Variants in POU6F2 observed in about 807,000 individuals in gnomAD.
POU6F2 encodes POU domain, class 6, transcription factor 2.
A neutral mutation model predicts 71.3 loss-of-function variants in POU6F2; 31 were observed. The ratio of observed to expected loss-of-function variants is 0.43; its 90% confidence interval spans 0.33 to 0.59. The LOEUF is 0.59. POU6F2 is among the 20% of genes least tolerant of loss of function. The probability of loss-of-function intolerance (pLI) is 0.04; values close to 1 mark genes in which losing one functional copy is unlikely to be tolerated. For synonymous variants in POU6F2, 347 were observed against 355.7 expected (o/e 0.98, Z 0.27); for missense variants, 783 against 856.8 (o/e 0.91, Z 1.07).
At chr7:39,073,673 C>T (rs996597584) in intron 1 of POU6F2, among the ~76,000 whole-genome samples, 3 of 152,196 alleles carry the variant, frequency 2.0e-5, no homozygotes, top group Non-Finnish European at 4.4e-5. Context: ...AGGCAGAGAA[C>T]GAGAGGAAAA....
In POU6F2 at chr7:39,467,012, T is replaced by C. The variant is rs1789086430; in HGVS notation, c.*2326T>C. 6.6e-6 allele frequency: 1 copy of C among 152,180 alleles called. No individual in the cohort carries two copies. Among genetic ancestry groups the C allele is most frequent in the Non-Finnish European group, 1.5e-5 (1 of 68,034 alleles). The allele number at this position is 152,180 out of a possible 1,614,324, so 9.4% of individuals were successfully genotyped here. A position where few individuals can be genotyped will look rare whatever the true frequency, so the allele number is the denominator to read the frequency against. On this transcript the variant is annotated 3_prime_UTR_variant, in exon 10 of 10. Coordinates refer to ENST00000518318, the MANE Select transcript of POU6F2 (RefSeq NM_001370959.1). ...ATGATGGATGCTAAATATTTAAATA[T>C]ATGCCGGCAGCGGTTACATAAGGCC... is the stretch of plus-strand genomic sequence containing the variant.
At chr7:39,130,521 A>G (rs1188748771) in intron 2 of POU6F2, among the ~76,000 whole-genome samples, 3 of 152,098 alleles carry the variant, frequency 2.0e-5, no homozygotes, top group African/African-American at 7.2e-5. Flanking sequence ...TTGGACTTTT[A>G]TCTCCCTACA....
At chr7:39,407,577 AG>A (rs1034796274) in intron 6 of POU6F2, among the ~76,000 whole-genome samples, 13 of 151,808 alleles carry the variant, frequency 8.6e-5, no homozygotes, top group African/African-American at 2.7e-4. Context: ...TTGGTTCTCC[AG>A]TGTGACTGAT....
intron 2 of POU6F2, among the ~76,000 whole-genome samples, chr7:39,129,423 A>G (rs1219551825): frequency 6.6e-6 from 1 of 152,200 alleles, no homozygotes; most frequent in East Asian, 1.9e-4. Context: ...AACCTTAAGA[A>G]GTATAACTGA....
At chr7:39,314,517 A>G (rs985808718) in intron 4 of POU6F2, among the ~76,000 whole-genome samples, 1 of 152,182 alleles carries the variant, frequency 6.6e-6, no homozygotes, top group African/African-American at 2.4e-5. Flanking sequence ...GGTAAGGAAG[A>G]GCATGAAACA....
At chr7:39,149,717 C>T (rs906914151) in intron 2 of POU6F2, among the ~76,000 whole-genome samples, 54 of 152,094 alleles carry the variant, frequency 3.6e-4, no homozygotes, top group African/African-American at 1.3e-3. Context: ...GTTTCATTCT[C>T]TGTGTATTTG....
At chr7:39,149,963 G>C (rs1792715897) in intron 2 of POU6F2, among the ~76,000 whole-genome samples, 1 of 149,822 alleles carries the variant, frequency 6.7e-6, no homozygotes, top group Admixed American at 6.7e-5. Flanking sequence ...TCGGCTCACT[G>C]CAAGCCCCGC....
At chr7:39,165,721 G>GA (rs553479778) in intron 2 of POU6F2, among the ~76,000 whole-genome samples, 67 of 152,190 alleles carry the variant, frequency 4.4e-4, no homozygotes, top group Non-Finnish European at 6.5e-4. Context: ...CTTGATGGAG[G>GA]AAAAAACCTG....
intron 5 of POU6F2, among the ~76,000 whole-genome samples, chr7:39,355,159 G>T (rs548358306): frequency 6.6e-6 from 1 of 152,334 alleles, no homozygotes; most frequent in East Asian, 1.9e-4. Context: ...CCTTTCTAGG[G>T]ATCCTTGTGA....
chr7:39,058,249 C>T (rs1790576099), intron 1 of POU6F2, among the ~76,000 whole-genome samples: 1 of 152,168 alleles, frequency 6.6e-6, no homozygotes, highest in Non-Finnish European at 1.5e-5. Flanking sequence ...CACTAACATC[C>T]TGGTGAGTTC....
At position 39,345,420 on chromosome 7, in the gene POU6F2, A is replaced by G. The variant is rs2115645628; in HGVS notation, c.972+5405A>G. Among the ~76,000 whole-genome samples the G allele has an allele frequency of 2.0e-5, 3 of 152,308 alleles. No homozygotes were observed. In the Middle Eastern group the frequency reaches 0.01, roughly 518 times the overall value. On this transcript the variant is annotated intron_variant, in intron 5 of 9. Coordinates refer to ENST00000518318, the MANE Select transcript of POU6F2 (RefSeq NM_001370959.1). Reference sequence around the variant, plus strand: ...TCTCACTTTCTAGTTGAACTTGAACATTGCACCAAATTTTGCACAGTAGAA... The same window carrying G: ...TCTCACTTTCTAGTTGAACTTGAACGTTGCACCAAATTTTGCACAGTAGAA...
intron 4 of POU6F2, among the ~76,000 whole-genome samples, chr7:39,233,846 C>T (rs920250858): frequency 3.3e-5 from 5 of 152,160 alleles, no homozygotes; most frequent in African/African-American, 1.2e-4. Context: ...AATCCATCTG[C>T]GTGGTTGTCC....
At chr7:39,045,005 A>G (rs1281104020) in intron 1 of POU6F2, among the ~76,000 whole-genome samples, 3 of 151,854 alleles carry the variant, frequency 2.0e-5, no homozygotes, top group Non-Finnish European at 4.4e-5. Context: ...CAATTTTGCA[A>G]TGCTTCTTGT....
intron 4 of POU6F2, among the ~76,000 whole-genome samples, chr7:39,317,515 C>G (rs969659343): frequency 6.6e-6 from 1 of 152,164 alleles, no homozygotes; most frequent in Admixed American, 6.5e-5. Flanking sequence ...AATTTATGGT[C>G]AAAAGCTAAG....
intron 4 of POU6F2, among the ~76,000 whole-genome samples, chr7:39,316,947 A>G (rs1785279904): frequency 6.6e-6 from 1 of 152,174 alleles, no homozygotes; most frequent in African/African-American, 2.4e-5. Flanking sequence ...GAGGGGCAAA[A>G]TCAGAAACAT....
chr7:39,258,023 C>T (rs1411977119), intron 4 of POU6F2, among the ~76,000 whole-genome samples: 1 of 152,126 alleles, frequency 6.6e-6, no homozygotes, highest in Non-Finnish European at 1.5e-5. Flanking sequence ...ACCACTGTTT[C>T]CCCCCATTTC....
At chr7:39,353,499 A>G (rs1392548864) in intron 5 of POU6F2, among the ~76,000 whole-genome samples, 1 of 152,206 alleles carries the variant, frequency 6.6e-6, no homozygotes, top group East Asian at 1.9e-4. Flanking sequence ...GCATGGATTT[A>G]TTTAAAATGC....
At chr7:39,048,052 A>G (rs76804164) in intron 1 of POU6F2, among the ~76,000 whole-genome samples, 5,505 of 151,814 alleles carry the variant, frequency 0.036, 147 homozygotes, top group Middle Eastern at 0.078. Context: ...CTCTTTCTCT[A>G]TTTTCTGAAA....
chr7:39,190,417 TAAAAAAAAAAAAA>T lies in POU6F2; in HGVS notation c.278-13801_278-13789del, dbSNP rs57872350. Among the ~76,000 whole-genome samples, 46 of 59,906 alleles carry T rather than the reference TAAAAAAAAAAAAA, an allele frequency of 7.7e-4. No homozygotes were observed. The South Asian group carries it at 0.024, about 31-fold the overall frequency. 39.3% of individuals were successfully genotyped at this position (59,906 alleles called of 152,430 possible). A position where few individuals can be genotyped will look rare whatever the true frequency, so the allele number is the denominator to read the frequency against. On this transcript the variant is annotated intron_variant, in intron 2 of 9. Coordinates refer to ENST00000518318, the MANE Select transcript of POU6F2 (RefSeq NM_001370959.1). ...TTCCTTTTCCTCCTCCTCCTTTTCT[TAAAAAAAAAAAAA>T]AAAAAAAAAAAAAAAAGGTTTGAGT...
Sources: gnomAD v4.1 joint callset for allele counts (sites outside exome capture counted in the v4.1 genomes callset) on GRCh38, gnomAD v4.1.1 for gene constraint, MANE v1.5 for transcripts, NCBI Gene and HGNC (gene_info 2026-07-23, HGNC 2026-07-21) for gene names.